MTHFD2L: variants seen among roughly 807,000 people sequenced by gnomAD.
MTHFD2L encodes the protein methylenetetrahydrofolate dehydrogenase (NADP+ dependent) 2 like.
MTHFD2L carries 29 observed loss-of-function variants against 34.9 expected under a neutral mutation model. That is an observed-to-expected ratio of 0.83 (90% CI 0.62 to 1.13). The LOEUF (loss-of-function observed/expected upper bound fraction) is 1.13, where lower values mean the gene tolerates loss of function less well. Among genes scored for constraint, MTHFD2L ranks in the 50% most tolerant of loss-of-function variants. The pLI, the probability that MTHFD2L is intolerant of heterozygous loss-of-function variation, is 0.00. For missense variants in MTHFD2L, 481 were observed against 446.5 expected (o/e 1.08, Z -0.70); for synonymous variants, 167 against 155.7 (o/e 1.07, Z -0.54).
chr4:74,268,677 CTA>C (rs1016553853), intron 6 of MTHFD2L, among the ~76,000 whole-genome samples: 1 of 152,106 alleles, frequency 6.6e-6, no homozygotes, highest in Non-Finnish European at 1.5e-5. Flanking sequence ...TTACAGATGA[CTA>C]TGATAGGAGT....
At chr4:74,208,940 A>C (rs1735815605) in intron 5 of MTHFD2L, among the ~76,000 whole-genome samples, 1 of 152,094 alleles carries the variant, frequency 6.6e-6, no homozygotes, top group Non-Finnish European at 1.5e-5. Flanking sequence ...TGTTTTGGGG[A>C]AATGTCAGTC....
At chr4:74,135,819 T>C (rs1282556648) in intron 1 of MTHFD2L, among the ~76,000 whole-genome samples, 1 of 152,040 alleles carries the variant, frequency 6.6e-6, no homozygotes, top group Non-Finnish European at 1.5e-5. Flanking sequence ...TGGTTCAACA[T>C]ATGCAAATCA....
chr4:74,161,329 T>A (rs1034987135), intron 1 of MTHFD2L: 6 of 152,224 alleles, frequency 3.9e-5, no homozygotes, highest in African/African-American at 1.4e-4. Context: ...CTCTACTACT[T>A]ACTCTGTATT....
chr4:74,178,460 C>A (rs1247634460), intron 3 of MTHFD2L, among the ~76,000 whole-genome samples: 2 of 151,908 alleles, frequency 1.3e-5, no homozygotes, highest in African/African-American at 2.4e-5. Context: ...GAGCAACATT[C>A]CTTATTTGGT....
intron 4 of MTHFD2L, among the ~76,000 whole-genome samples, chr4:74,200,369 CGAA>C (rs1318101849): frequency 1.3e-5 from 2 of 151,818 alleles, no homozygotes; most frequent in Admixed American, 6.6e-5. Flanking sequence ...TAAAATGAAA[CGAA>C]GAGCATTAGC....
chr4:74,271,347 A>G (rs1361862812), intron 6 of MTHFD2L, among the ~76,000 whole-genome samples: 1 of 147,766 alleles, frequency 6.8e-6, no homozygotes, highest in Admixed American at 6.8e-5. Flanking sequence ...TAATTTTTGT[A>G]TAAGGTGTAA....
chr4:74,234,915 G>A (rs1367391100), intron 6 of MTHFD2L, among the ~76,000 whole-genome samples: 2 of 151,940 alleles, frequency 1.3e-5, no homozygotes, highest in African/African-American at 2.4e-5. Flanking sequence ...CTCTGACTCT[G>A]AAAAGTACAT....
chr4:74,263,028 C>A (rs976686914), intron 6 of MTHFD2L, among the ~76,000 whole-genome samples: 5 of 151,770 alleles, frequency 3.3e-5, no homozygotes, highest in African/African-American at 1.2e-4. Context: ...TAAATATGGA[C>A]AGCTTTCTGT....
At chr4:74,158,367 C>T (rs1271997136) in intron 1 of MTHFD2L, 86 bp downstream of exon 1, 11 of 1,020,526 alleles carry the variant, frequency 1.1e-5, no homozygotes, top group East Asian at 1.4e-4. Flanking sequence ...GCGTGGGGCC[C>T]AAGGCTCGTG....
chr4:74,122,427 T>A (rs1318286010), upstream of MTHFD2L, among the ~76,000 whole-genome samples: 1 of 152,168 alleles, frequency 6.6e-6, no homozygotes, highest in Non-Finnish European at 1.5e-5. Context: ...TTCACTGTCA[T>A]GAGAAGAGCA....
chr4:74,285,556 A>G (rs1467395086), intron 7 of MTHFD2L, among the ~76,000 whole-genome samples: 2 of 152,134 alleles, frequency 1.3e-5, no homozygotes, highest in Non-Finnish European at 1.5e-5. Context: ...TAATTTTACT[A>G]CTAGTAAATA....
intron 1 of MTHFD2L, among the ~76,000 whole-genome samples, chr4:74,133,761 C>T (rs553975978): frequency 1.3e-5 from 2 of 152,226 alleles, no homozygotes; most frequent in South Asian, 2.1e-4. Context: ...CTTAAAATTG[C>T]TATTTTGAAT....
intron 6 of MTHFD2L, among the ~76,000 whole-genome samples, chr4:74,236,417 C>T (rs1740842401): frequency 6.6e-6 from 1 of 152,182 alleles, no homozygotes; most frequent in Non-Finnish European, 1.5e-5. Flanking sequence ...TCTTTAAAAA[C>T]TAGGACCTGA....
rs146496792 is a variant in MTHFD2L at position 74,207,812 on chromosome 4, C to T, written c.712+6442C>T. On this transcript the variant is annotated intron_variant, in intron 5 of 7. Coordinates refer to ENST00000325278, the MANE Select transcript of MTHFD2L (RefSeq NM_001144978.3). ...GCCTGGAAGTTTTATCTCCCACCTA[C>T]AGGACATAATAACACAGTAGTGGAT... is the stretch of plus-strand genomic sequence containing the variant. Among the ~76,000 whole-genome samples the T allele has an allele frequency of 4.6e-5, 6 of 130,080 alleles. No homozygotes were observed. In the East Asian group the frequency reaches 1.3e-3, roughly 29 times the overall value. The allele number at this position is 130,080 out of a possible 152,430, so 85.3% of individuals were successfully genotyped here.
intron 6 of MTHFD2L, among the ~76,000 whole-genome samples, chr4:74,240,681 T>C (rs189955049): frequency 3.2e-4 from 49 of 152,308 alleles, no homozygotes; most frequent in Middle Eastern, 3.4e-3. Flanking sequence ...ATATTCCTTT[T>C]TATCATTTTC....
intron 1 of MTHFD2L, among the ~76,000 whole-genome samples, chr4:74,170,002 A>G (rs942242669): frequency 1.3e-5 from 2 of 152,184 alleles, no homozygotes; most frequent in Non-Finnish European, 2.9e-5. Flanking sequence ...CCTTCCCAGA[A>G]AGAAAACCCC....
rs1256352810 is a variant in MTHFD2L at position 74,276,544 on chromosome 4, C to T, written c.806-4881C>T. Among the ~76,000 whole-genome samples, 8 of 152,114 alleles carry T rather than the reference C, an allele frequency of 5.3e-5. No homozygotes were observed. The East Asian group carries it at 7.7e-4, about 15-fold the overall frequency. On this transcript the variant is annotated intron_variant, in intron 6 of 7. Transcript: ENST00000325278. ...CAACTCTAACAAAAAGAAAAATATC[C>T]GGACTGTGCATCCTAATGGTATATG...
At chr4:74,187,759 C>T (rs1235232450) in intron 3 of MTHFD2L, among the ~76,000 whole-genome samples, 1 of 147,594 alleles carries the variant, frequency 6.8e-6, no homozygotes, top group Non-Finnish European at 1.5e-5. Flanking sequence ...CACACACACA[C>T]ACACACACAC....
chr4:74,249,136 C>G (rs1390230172), intron 6 of MTHFD2L, among the ~76,000 whole-genome samples: 1 of 151,534 alleles, frequency 6.6e-6, no homozygotes, highest in African/African-American at 2.4e-5. Context: ...GTAAGTCACT[C>G]AGGACTTGCT....
Sources: gnomAD v4.1 joint callset for allele counts (sites outside exome capture counted in the v4.1 genomes callset) on GRCh38, gnomAD v4.1.1 for gene constraint, MANE v1.5 for transcripts, NCBI Gene and HGNC (gene_info 2026-07-23, HGNC 2026-07-21) for gene names.